HOMER1: variants seen among roughly 807,000 people sequenced by gnomAD.
HOMER1 encodes the protein homer protein homolog 1.
A neutral mutation model predicts 48.9 loss-of-function variants in HOMER1; 3 were observed. The observed-to-expected ratio is 0.06, with a 90% CI of 0.03 to 0.16. The LOEUF is 0.16. Among genes scored for constraint, HOMER1 ranks in the 10% least tolerant of loss-of-function variants. HOMER1 has a pLI of 1.00. For synonymous variants in HOMER1, 134 were observed against 146.4 expected (o/e 0.92, Z 0.61); for missense variants, 247 against 411.4 (o/e 0.60, Z 3.46).
intron 1 of HOMER1, among the ~76,000 whole-genome samples, chr5:79,482,878 C>CT (rs1381199782): frequency 1.3e-5 from 2 of 151,906 alleles, no homozygotes; most frequent in African/African-American, 2.4e-5. Flanking sequence ...TGGCTCACAC[C>CT]TGTGGTCCCA....
chr5:79,504,986 T>C (rs1489530077), intron 1 of HOMER1, among the ~76,000 whole-genome samples: 1 of 152,112 alleles, frequency 6.6e-6, no homozygotes, highest in Non-Finnish European at 1.5e-5. Flanking sequence ...CTATTAAGAC[T>C]CCCCAACTAG....
intron 8 of HOMER1, among the ~76,000 whole-genome samples, chr5:79,382,387 T>C (rs1749006113): frequency 1.3e-5 from 2 of 152,068 alleles, no homozygotes. Context: ...AAGACAAAAT[T>C]CTAAAAAGAA....
chr5:79,448,259 C>T (rs116070502), intron 3 of HOMER1, among the ~76,000 whole-genome samples: 2 of 152,276 alleles, frequency 1.3e-5, no homozygotes, highest in African/African-American at 4.8e-5. Flanking sequence ...GTCTCACTCA[C>T]ATTGGTGGAA....
intron 1 of HOMER1, among the ~76,000 whole-genome samples, chr5:79,503,206 A>G (rs1215906356): frequency 6.6e-6 from 1 of 152,214 alleles, no homozygotes; most frequent in Non-Finnish European, 1.5e-5. Context: ...TACTCATACA[A>G]TTAAGTAAAC....
chr5:79,473,620 A>C (rs1751680511), intron 1 of HOMER1, among the ~76,000 whole-genome samples: 1 of 152,220 alleles, frequency 6.6e-6, no homozygotes, highest in African/African-American at 2.4e-5. Context: ...TTTCTTAATC[A>C]AAAACAGCCT....
chr5:79,436,577 T>C (rs1040339159), intron 5 of HOMER1, among the ~76,000 whole-genome samples: 4 of 152,368 alleles, frequency 2.6e-5, no homozygotes, highest in African/African-American at 9.6e-5. Flanking sequence ...TGTACACTAC[T>C]GAAACAGTTT....
At chr5:79,386,337 T>C (rs1419168430) in intron 8 of HOMER1, among the ~76,000 whole-genome samples, 1 of 152,328 alleles carries the variant, frequency 6.6e-6, no homozygotes, top group African/African-American at 2.4e-5. Context: ...CTGGAGGTCA[T>C]CATGTTAAGT....
chr5:79,439,045 A>G lies in HOMER1; in HGVS notation c.492T>C (p.Ala164=), dbSNP rs767623002. The G allele has an allele frequency of 5.1e-5, 82 of 1,614,010 alleles. 1 individual carries two copies. In the South Asian group the frequency reaches 8.5e-4, roughly 17 times the overall value. ...PDVTQNSEPR[A]EPTQNALPFS... ...ATGGCAATGCATTCTGAGTTGGTTC[A>G]GCCCTTGGCTCTGAGTTCTGTGTCA... The change falls in exon 5 of 9, where the codon GCT becomes GCC. Residue 164 remains alanine, a synonymous_variant. Transcript: ENST00000334082.
chr5:79,440,388 T>C (rs919907674), intron 4 of HOMER1, among the ~76,000 whole-genome samples: 11 of 152,224 alleles, frequency 7.2e-5, no homozygotes, highest in African/African-American at 2.7e-4. Flanking sequence ...AATGGTTCCA[T>C]AATGCTATAA....
chr5:79,500,122 T>A (rs1196265098), intron 1 of HOMER1, among the ~76,000 whole-genome samples: 1 of 151,918 alleles, frequency 6.6e-6, no homozygotes, highest in Non-Finnish European at 1.5e-5. Context: ...AAAAAGAAAA[T>A]TTGTGAAACT....
intron 2 of HOMER1, among the ~76,000 whole-genome samples, chr5:79,456,143 C>A (rs1290036001): frequency 9.6e-6 from 1 of 104,094 alleles, no homozygotes. Flanking sequence ...AAGACTCCGT[C>A]TCAAAAAAAA....
intron 1 of HOMER1, among the ~76,000 whole-genome samples, chr5:79,486,235 C>T (rs1031227600): frequency 6.6e-6 from 1 of 152,174 alleles, no homozygotes; most frequent in Non-Finnish European, 1.5e-5. Flanking sequence ...CAGAGATGAG[C>T]TCTCTCTCAC....
chr5:79,497,179 TA>T (rs1217250547), intron 1 of HOMER1, among the ~76,000 whole-genome samples: 1 of 152,012 alleles, frequency 6.6e-6, no homozygotes, highest in African/African-American at 2.4e-5. Flanking sequence ...AGATGTCTTC[TA>T]AAAGCAGAAA....
chr5:79,439,250 G>A (rs973059979), intron 4 of HOMER1, 101 bp from the exon 5 acceptor site: 25 of 1,013,612 alleles, frequency 2.5e-5, no homozygotes, highest in Non-Finnish European at 3.3e-5. Flanking sequence ...GCTTACTGAT[G>A]AACCAAATTT....
intron 8 of HOMER1, among the ~76,000 whole-genome samples, chr5:79,395,530 G>A (rs1033696272): frequency 6.6e-6 from 1 of 152,166 alleles, no homozygotes; most frequent in Non-Finnish European, 1.5e-5. Context: ...TATACAAACG[G>A]CATTTAATAG....
intron 1 of HOMER1, among the ~76,000 whole-genome samples, chr5:79,487,932 AAAC>A (rs1306544172): frequency 6.6e-6 from 1 of 152,188 alleles, no homozygotes; most frequent in African/African-American, 2.4e-5. Flanking sequence ...AGTACAGACA[AAAC>A]AATATGAGCC....
chr5:79,423,349 T>A (rs1319291632), intron 5 of HOMER1, among the ~76,000 whole-genome samples: 1 of 152,190 alleles, frequency 6.6e-6, no homozygotes, highest in African/African-American at 2.4e-5. Flanking sequence ...AGCATTGTAG[T>A]TCAGAAATTT....
chr5:79,472,819 A>T (rs887738974), intron 1 of HOMER1, among the ~76,000 whole-genome samples: 1 of 152,114 alleles, frequency 6.6e-6, no homozygotes, highest in Non-Finnish European at 1.5e-5. Flanking sequence ...TTACAGCCCT[A>T]GTGATATTAG....
chr5:79,492,401 AAAT>A (rs1752301986), intron 1 of HOMER1, among the ~76,000 whole-genome samples: 1 of 152,162 alleles, frequency 6.6e-6, no homozygotes, highest in South Asian at 2.1e-4. Flanking sequence ...ACTGTTTCCA[AAAT>A]AATAATATAC....
Sources: allele counts gnomAD v4.1 joint callset (sites outside exome capture counted in the v4.1 genomes callset), GRCh38; gene constraint gnomAD v4.1.1; transcripts MANE v1.5; gene names NCBI Gene and HGNC (gene_info 2026-07-23, HGNC 2026-07-21).